SNTG1: variants seen among roughly 807,000 people sequenced by gnomAD.
SNTG1 encodes the protein gamma-1-syntrophin.
SNTG1 carries 39 observed loss-of-function variants against 74.7 expected under a neutral mutation model. That is an observed-to-expected ratio of 0.52 (90% confidence interval 0.40 to 0.68). The LOEUF is 0.68. Ranked by LOEUF, SNTG1 falls within the 30% of genes least tolerant of loss-of-function variation. The pLI, the probability that SNTG1 is intolerant of heterozygous loss-of-function variation, is 0.00. For synonymous variants in SNTG1, 254 were observed against 217.1 expected (o/e 1.17, Z -1.49); for missense variants, 685 against 609.5 (o/e 1.12, Z -1.30).
rs907725997 is a variant in SNTG1 at position 50,795,454 on chromosome 8, A to G, written c.*2625A>G. 1 of 152,108 alleles carries G rather than the reference A, an allele frequency of 6.6e-6. No individual in the cohort carries two copies. Among genetic ancestry groups the G allele is most frequent in the African/African-American group, 2.4e-5 (1 of 41,444 alleles). 9.4% of individuals were successfully genotyped at this position (152,108 alleles called of 1,614,324 possible). ...CATATAATTTAGGTTTACATGTAAG[A>G]GATTTATTCATAAAATCCTAGTTTG... On this transcript the variant is annotated 3_prime_UTR_variant, in exon 19 of 19. Coordinates refer to ENST00000642720, the MANE Select transcript of SNTG1 (RefSeq NM_018967.5).
chr8:49,938,562 C>CTT (rs1453127560), intron 1 of SNTG1, among the ~76,000 whole-genome samples: 12 of 27,736 alleles, frequency 4.3e-4, no homozygotes, highest in African/African-American at 1.3e-3. Flanking sequence ...CTTTTGTTTT[C>CTT]TTTTCTTTTC....
intron 8 of SNTG1, among the ~76,000 whole-genome samples, chr8:50,493,410 T>C (rs2093875829): frequency 6.6e-6 from 1 of 152,190 alleles, no homozygotes; most frequent in Admixed American, 6.5e-5. Context: ...CTGGGACTTT[T>C]CTAATGTTTG....
At position 50,735,859 on chromosome 8, in the gene SNTG1, G is replaced by A. The variant is rs530144003; in HGVS notation, c.1285-16142G>A. Among the ~76,000 whole-genome samples the A allele has an allele frequency of 2.6e-5, 4 of 152,072 alleles. No homozygotes were observed. The South Asian group carries it at 8.3e-4, about 32-fold the overall frequency. On this transcript the variant is annotated intron_variant, in intron 17 of 18. Coordinates refer to ENST00000642720, the MANE Select transcript of SNTG1 (RefSeq NM_018967.5). ...TTGAAATGAAGGAAAAAATGTTAAG[G>A]GCAGCCAGAGAGAAAGGTCGGGTTA...
chr8:50,226,776 C>T (rs892999832), intron 2 of SNTG1, among the ~76,000 whole-genome samples: 5 of 152,058 alleles, frequency 3.3e-5, no homozygotes, highest in African/African-American at 9.7e-5. Context: ...AGTTGTAACC[C>T]GACCACCCTG....
At chr8:50,784,899 G>C (rs2095670260) in intron 18 of SNTG1, among the ~76,000 whole-genome samples, 1 of 151,620 alleles carries the variant, frequency 6.6e-6, no homozygotes, top group African/African-American at 2.4e-5. Context: ...AATAACAAAA[G>C]AACAATTGAA....
At chr8:50,164,628 G>T (rs1270393595) in intron 1 of SNTG1, among the ~76,000 whole-genome samples, 2 of 152,014 alleles carry the variant, frequency 1.3e-5, no homozygotes, top group Non-Finnish European at 2.9e-5. Flanking sequence ...TTATTTATTT[G>T]TCCCTTGTTT....
chr8:50,586,381 A>G (rs1333288537), intron 12 of SNTG1, among the ~76,000 whole-genome samples: 2 of 152,150 alleles, frequency 1.3e-5, no homozygotes, highest in African/African-American at 4.8e-5. Context: ...TTACAACTGG[A>G]ATTCAACACC....
chr8:50,699,092 T>A (rs929449293), intron 15 of SNTG1, among the ~76,000 whole-genome samples: 1 of 152,126 alleles, frequency 6.6e-6, no homozygotes, highest in African/African-American at 2.4e-5. Context: ...TTGCCAAGGT[T>A]GAGAACATGC....
intron 1 of SNTG1, among the ~76,000 whole-genome samples, chr8:49,966,391 T>G (rs1811143126): frequency 6.6e-6 from 1 of 151,936 alleles, no homozygotes; most frequent in African/African-American, 2.4e-5. Flanking sequence ...TTTTTTAAAT[T>G]AATTAATTAA....
intron 1 of SNTG1, among the ~76,000 whole-genome samples, chr8:50,097,359 A>C (rs1024146392): frequency 1.3e-5 from 2 of 152,306 alleles, no homozygotes; most frequent in African/African-American, 4.8e-5. Flanking sequence ...GTTTTAAACA[A>C]ATGTAGCTTT....
At chr8:50,471,158 A>C (rs886416192) in intron 8 of SNTG1, among the ~76,000 whole-genome samples, 2 of 152,052 alleles carry the variant, frequency 1.3e-5, no homozygotes, top group Non-Finnish European at 2.9e-5. Flanking sequence ...AGCCGGCTTA[A>C]CCTCTCAACA....
intron 17 of SNTG1, among the ~76,000 whole-genome samples, chr8:50,739,550 A>G (rs929732106): frequency 6.6e-6 from 1 of 152,088 alleles, no homozygotes; most frequent in African/African-American, 2.4e-5. Flanking sequence ...TGACCCAGCA[A>G]TCCATTACTG....
chr8:50,243,539 C>G (rs1377247604), intron 2 of SNTG1, among the ~76,000 whole-genome samples: 2 of 152,110 alleles, frequency 1.3e-5, no homozygotes, highest in African/African-American at 2.4e-5. Flanking sequence ...CAATTCTACT[C>G]TATTCCTGGA....
At chr8:50,441,536 T>A (rs1034100980) in intron 5 of SNTG1, among the ~76,000 whole-genome samples, 1 of 152,080 alleles carries the variant, frequency 6.6e-6, no homozygotes, top group Non-Finnish European at 1.5e-5. Context: ...TCCCAAAGAA[T>A]AAGAGAAAAA....
chr8:50,415,380 A>C lies in SNTG1; in HGVS notation c.162+13036A>C, dbSNP rs191343579. 1.2e-3 allele frequency among the ~76,000 whole-genome samples: 185 copies of C among 152,264 alleles called. 1 individual carries two copies. The highest frequency in any genetic ancestry group is 4.3e-3 in the African/African-American group (180 of 41,560). On this transcript the variant is annotated intron_variant, in intron 4 of 18. Coordinates refer to ENST00000642720, the MANE Select transcript of SNTG1 (RefSeq NM_018967.5). ...ATTGTTCTGGAAATCAGTAATCAGG[A>C]CACACTAGAAAGTGAAATGGAATAG...
At chr8:50,050,946 C>G (rs913439588) in intron 1 of SNTG1, among the ~76,000 whole-genome samples, 1 of 151,940 alleles carries the variant, frequency 6.6e-6, no homozygotes, top group Non-Finnish European at 1.5e-5. Context: ...AATCCAACCC[C>G]TTTCATGATA....
chr8:50,372,017 T>G (rs1179046143), intron 2 of SNTG1, among the ~76,000 whole-genome samples: 1 of 152,206 alleles, frequency 6.6e-6, no homozygotes, highest in East Asian at 1.9e-4. Flanking sequence ...TCCACTTACA[T>G]TTACAGTAAT....
At position 49,967,319 on chromosome 8, in the gene SNTG1, T is replaced by G. The variant is rs571662054; in HGVS notation, c.-103+55088T>G. On this transcript the variant is annotated intron_variant, in intron 1 of 18. Coordinates refer to ENST00000642720, the MANE Select transcript of SNTG1 (RefSeq NM_018967.5). Reference sequence around the variant, plus strand: ...GCCTGTTCTCAGGGAGCTTACAGTCTGTTCTCAGGATGGTGTTTTGTCACA... The same window carrying G: ...GCCTGTTCTCAGGGAGCTTACAGTCGGTTCTCAGGATGGTGTTTTGTCACA... 4.6e-5 allele frequency among the ~76,000 whole-genome samples: 7 copies of G among 152,336 alleles called. No homozygotes were observed. In the South Asian group the frequency reaches 1.4e-3, roughly 32 times the overall value.
intron 1 of SNTG1, among the ~76,000 whole-genome samples, chr8:49,985,855 T>A (rs868571696): frequency 3.9e-5 from 6 of 152,186 alleles, no homozygotes; most frequent in Non-Finnish European, 7.4e-5. Flanking sequence ...ATGATAATGA[T>A]CTCTATTTGA....
Sources: gnomAD v4.1 joint callset for allele counts (sites outside exome capture counted in the v4.1 genomes callset) on GRCh38, gnomAD v4.1.1 for gene constraint, MANE v1.5 for transcripts, NCBI Gene and HGNC (gene_info 2026-07-23, HGNC 2026-07-21) for gene names.